BRD1: variants seen among roughly 807,000 people sequenced by gnomAD.
The protein encoded by BRD1 is bromodomain-containing protein 1.
Under a neutral mutation model 107.7 loss-of-function variants are expected in BRD1, and 24 were observed. The ratio of observed to expected loss-of-function variants is 0.22; its 90% confidence interval spans 0.16 to 0.31. The LOEUF is 0.31. Among genes scored for constraint, BRD1 ranks in the 10% least tolerant of loss-of-function variants. BRD1 has a pLI of 1.00. For synonymous variants in BRD1, 744 were observed against 686.1 expected, an observed-to-expected ratio of 1.08 and a Z score of -1.32; for missense variants, 1,279 against 1,638.6, an observed-to-expected ratio of 0.78 and a Z score of 3.79.
chr22:49,785,301 G>C (rs551403466), intron 8 of BRD1, among the ~76,000 whole-genome samples: 14 of 152,242 alleles, frequency 9.2e-5, no homozygotes, highest in Non-Finnish European at 1.9e-4. Context: ...GAGTGTCGAC[G>C]GGAGGCCGCC....
intron 8 of BRD1, among the ~76,000 whole-genome samples, chr22:49,786,236 G>A (rs927069688): frequency 6.6e-6 from 1 of 152,180 alleles, no homozygotes; most frequent in Non-Finnish European, 1.5e-5. Context: ...CTCCAGACAC[G>A]CTTCCAGAAA....
At chr22:49,791,397 G>A (rs1193717332) in intron 7 of BRD1, among the ~76,000 whole-genome samples, 1 of 152,240 alleles carries the variant, frequency 6.6e-6, no homozygotes, top group Non-Finnish European at 1.5e-5. Context: ...GCTTCAAGTG[G>A]AAGCAAAATA....
intron 11 of BRD1, 68 bp from the exon 12 acceptor site, chr22:49,775,813 G>GCACCC: frequency 1.5e-6 from 2 of 1,320,776 alleles, no homozygotes; most frequent in Middle Eastern, 2.9e-4. Flanking sequence ...CCTGTCACTG[G>GCACCC]CACCCCCCCC....
At chr22:49,786,256 G>A (rs1197577446) in intron 8 of BRD1, among the ~76,000 whole-genome samples, 1 of 152,216 alleles carries the variant, frequency 6.6e-6, no homozygotes, top group Non-Finnish European at 1.5e-5. Flanking sequence ...AAGAGTCGCT[G>A]GCAACCTGAG....
Position 49,787,750 on chromosome 22 carries a change from A to T in BRD1, c.2497T>A (p.Phe833Ile), listed in dbSNP as rs547071392. 2 of 1,550,872 alleles carry T rather than the reference A, an allele frequency of 1.3e-6. No homozygotes were observed. The highest frequency in any genetic ancestry group is 2.4e-5 in the South Asian group (2 of 84,064). The change falls in exon 8 of 13, where the codon TTT becomes ATT. Residue 833 changes from phenylalanine (F) to isoleucine (I), a missense_variant. Phe to Ile is a conservative substitution (Grantham distance 21, BLOSUM62 0). Coordinates refer to ENST00000404760, the MANE Select transcript of BRD1 (RefSeq NM_001304808.3). ...CAAGCGCTATGTGATTCATTATCAAATGTGACTCTTTTGAAAAGTTTACTC... is the reference window on the plus strand; with the variant it reads ...CAAGCGCTATGTGATTCATTATCAATTGTGACTCTTTTGAAAAGTTTACTC... ...EQSKLFKRVT[F>I]DNESHSACTQ...
At position 49,798,667 on chromosome 22, in the gene BRD1, G is replaced by A. The variant is rs771933968; in HGVS notation, c.1676C>T (p.Ala559Val). The change falls in exon 5 of 13, where the codon GCC becomes GTC. Residue 559 changes from alanine (A) to valine (V), a missense_variant. Ala to Val is a moderately conservative substitution (Grantham distance 64, BLOSUM62 0). Transcript: ENST00000404760. ...KREQVKVEQV[A>V]MELRLTPLTV... ...CAGCGGGGTCAGCCGCAGCTCCATG[G>A]CGACCTGCTCCACCTTCACCTGGGG... 5.0e-6 allele frequency: 8 copies of A among 1,609,726 alleles called. No individual in the cohort carries two copies. The highest frequency in any genetic ancestry group is 4.4e-5 in the South Asian group (4 of 90,784).
chr22:49,785,482 CACCCTG>C (rs922926827), intron 8 of BRD1, among the ~76,000 whole-genome samples: 2 of 152,262 alleles, frequency 1.3e-5, no homozygotes, highest in Non-Finnish European at 2.9e-5. Flanking sequence ...CAGTGCACAG[CACCCTG>C]ACCCGATTCA....
chr22:49,801,352 C>T (rs1022907905), intron 3 of BRD1, among the ~76,000 whole-genome samples: 5 of 152,142 alleles, frequency 3.3e-5, no homozygotes, highest in East Asian at 1.9e-4. Context: ...GCACCCTCGG[C>T]GCCTGCTGGC....
intron 2 of BRD1, among the ~76,000 whole-genome samples, chr22:49,809,245 A>T (rs1440011960): frequency 6.6e-6 from 1 of 151,940 alleles, no homozygotes; most frequent in African/African-American, 2.4e-5. Flanking sequence ...TTAAAAATTT[A>T]AAATTCCAGT....
intron 2 of BRD1, among the ~76,000 whole-genome samples, chr22:49,821,189 G>GCGGCCCGGCC (rs2060059363): frequency 6.6e-6 from 1 of 152,204 alleles, no homozygotes; most frequent in Admixed American, 6.5e-5. Context: ...CAGAGAGCGT[G>GCGGCCCGGCC]CGGCCCGGCC....
At chr22:49,779,936 A>AG (rs1420592191) in intron 8 of BRD1, among the ~76,000 whole-genome samples, 3 of 149,408 alleles carry the variant, frequency 2.0e-5, no homozygotes, top group African/African-American at 7.7e-5. Context: ...AGCAGCCACG[A>AG]GCCTGGCGAC....
chr22:49,823,582 A>G lies in BRD1; in HGVS notation c.736T>C (p.Tyr246His), dbSNP rs763490935. 2 of 1,606,450 alleles carry G rather than the reference A, an allele frequency of 1.2e-6. No individual in the cohort carries two copies. The highest frequency in any genetic ancestry group is 2.2e-5 in the East Asian group (1 of 44,728). ...MCNLAVHQEC[Y>H]GVPYIPEGQW... is the part of the protein sequence containing the mutation. ...CCCTCGGGGATGTAGGGCACCCCGT[A>G]GCACTCCTGGTGCACGGCCAGGTTG... Residue 246 changes from tyrosine (Y) to histidine (H), a missense_variant, in exon 2 of 13, where the codon TAC becomes CAC. Physicochemically the swap from Tyr to His is moderately conservative, Grantham distance 83. Transcript: ENST00000404760.
rs1041199045 is a variant in BRD1 at position 49,776,130 on chromosome 22, T to C, written c.3151A>G (p.Thr1051Ala). ...TCCAGCACCGAGGCGGCGGCATCAG[T>C]GGAGATCCACATGCTGCTCTGGCCG... is the stretch of plus-strand genomic sequence containing the variant. ...EVGQSSMWIS[T>A]DAAASVLEPL... The change falls in exon 11 of 13, where the codon ACT becomes GCT. Residue 1051 changes from threonine (T) to alanine (A), a missense_variant. By Grantham distance (58) the Thr-to-Ala change is moderately conservative (BLOSUM62 0). This residue lies in a region of BRD1 where 263 missense variants were observed against 251.6 expected (regional missense o/e 1.05). Transcript: ENST00000404760. 6.2e-7 allele frequency: 1 copy of C among 1,605,860 alleles called. No homozygotes were observed. Among genetic ancestry groups the C allele is most frequent in the Non-Finnish European group, 8.5e-7 (1 of 1,179,666 alleles).
chr22:49,797,035 T>G (rs1012602303), intron 6 of BRD1, among the ~76,000 whole-genome samples: 1 of 152,194 alleles, frequency 6.6e-6, no homozygotes, highest in Non-Finnish European at 1.5e-5. Context: ...GAGCTGGAGC[T>G]GAGGTGCTGG....
chr22:49,779,488 G>A (rs1043875392), intron 8 of BRD1, among the ~76,000 whole-genome samples: 4 of 152,178 alleles, frequency 2.6e-5, no homozygotes, highest in African/African-American at 7.2e-5. Flanking sequence ...GGAATGTACC[G>A]TGACCTCCAA....
At chr22:49,788,287 A>G (rs1385861988) in intron 7 of BRD1, among the ~76,000 whole-genome samples, 1 of 152,246 alleles carries the variant, frequency 6.6e-6, no homozygotes, top group Non-Finnish European at 1.5e-5. Context: ...CTACTGGGCC[A>G]CGAAGTTAGC....
intron 11 of BRD1, 91 bp from the exon 12 acceptor site, chr22:49,775,836 C>G (rs61455574): frequency 0.19 from 243,589 of 1,265,054 alleles, 28,736 homozygotes; most frequent in African/African-American, 0.61. Flanking sequence ...CCTCCCCACC[C>G]CAGCTGTGTG....
chr22:49,817,777 A>G (rs1396033787), intron 2 of BRD1: 2 of 158,268 alleles, frequency 1.3e-5, no homozygotes, highest in East Asian at 3.7e-4. Context: ...AGCTGCGTCA[A>G]AGACAACCAA....
chr22:49,775,932 C>G, intron 11 of BRD1, 118 bp downstream of exon 11: 1 of 1,218,790 alleles, frequency 8.2e-7, no homozygotes, highest in African/African-American at 1.6e-5. Flanking sequence ...CCAACCCCGC[C>G]CCCCCGCCAG....
Sources: gnomAD v4.1 joint callset for allele counts (sites outside exome capture counted in the v4.1 genomes callset) on GRCh38, gnomAD v4.1.1 for gene constraint, gnomAD v4.1.1 regional missense constraint, MANE v1.5 for transcripts, NCBI Gene and HGNC (gene_info 2026-07-23, HGNC 2026-07-21) for gene names.